GALNT18: variants seen among roughly 807,000 people sequenced by gnomAD.
The protein encoded by GALNT18 is polypeptide N-acetylgalactosaminyltransferase 18.
A neutral mutation model predicts 69.5 loss-of-function variants in GALNT18; 44 were observed. The observed-to-expected ratio is 0.63, with a 90% confidence interval of 0.50 to 0.81. The LOEUF (loss-of-function observed/expected upper bound fraction) is 0.81. Among genes scored for constraint, GALNT18 ranks in the 40% least tolerant of loss-of-function variants. The pLI, the probability that GALNT18 is intolerant of heterozygous loss-of-function variation, is 0.00. For missense variants in GALNT18, 715 were observed against 810.0 expected (o/e 0.88, Z 1.42); for synonymous variants, 364 against 318.2 (o/e 1.14, Z -1.53).
At chr11:11,275,783 A>G (rs1848931140) in intron 10 of GALNT18, among the ~76,000 whole-genome samples, 1 of 152,196 alleles carries the variant, frequency 6.6e-6, no homozygotes, top group African/African-American at 2.4e-5. Flanking sequence ...CATTTATTAA[A>G]TAGGGAATCC....
chr11:11,401,310 C>A (rs1854462749), intron 3 of GALNT18, among the ~76,000 whole-genome samples: 1 of 152,182 alleles, frequency 6.6e-6, no homozygotes, highest in African/African-American at 2.4e-5. Context: ...AACAAATCAA[C>A]ACACAAACTC....
rs535528461 is a variant in GALNT18 at position 11,485,779 on chromosome 11, C to A, written c.236-36843G>T. 7.9e-5 allele frequency among the ~76,000 whole-genome samples: 12 copies of A among 152,232 alleles called. No homozygotes were observed. In the East Asian group the frequency reaches 2.3e-3, roughly 29 times the overall value. On this transcript the variant is annotated intron_variant, in intron 1 of 10. Transcript: ENST00000227756. ...TGCTTCTGACAAAGAGAAGGGAGGA[C>A]CACAAGTGGCAGGCCAGCAAGCTGA...
intron 9 of GALNT18, among the ~76,000 whole-genome samples, chr11:11,303,483 A>C (rs940305332): frequency 6.6e-6 from 1 of 152,010 alleles, no homozygotes; most frequent in Non-Finnish European, 1.5e-5. Flanking sequence ...GAGAAACCTG[A>C]CTCAAGACAA....
chr11:11,606,549 G>C lies in GALNT18; in HGVS notation c.235+14810C>G, dbSNP rs1009486857. On this transcript the variant is annotated intron_variant, in intron 1 of 10. Transcript: ENST00000227756. This position sits in a 1 kb window ranked among gnomAD's most constrained non-coding sequence, Gnocchi z 5.4. ...TCACTCTGGTTTGAGGGGCTGAGAA[G>C]AAGCTCTGTTCCCAGATACGGAGGC... is the stretch of plus-strand genomic sequence containing the variant. 1.3e-5 allele frequency among the ~76,000 whole-genome samples: 2 copies of C among 152,146 alleles called. No individual in the cohort carries two copies. Among genetic ancestry groups the C allele is most frequent in the African/African-American group, 4.8e-5 (2 of 41,428 alleles).
In GALNT18 at chr11:11,436,204, C is replaced by CATGA. The variant is rs1855398910; in HGVS notation, c.429-3421_429-3418dup. Among the ~76,000 whole-genome samples the CATGA allele has an allele frequency of 6.6e-6, 1 of 152,216 alleles. No individual in the cohort carries two copies. The highest frequency in any genetic ancestry group is 2.4e-5 in the African/African-American group (1 of 41,456). On this transcript the variant is annotated intron_variant, in intron 2 of 10. Transcript: ENST00000227756. This position sits in a 1 kb window ranked among gnomAD's most constrained non-coding sequence, Gnocchi z 4.5. ...GTTCTGCCCCACCTTGCTGTGTGAC[C>CATGA]ATGAATGAGCCACCTTCCCTCTCTG...
At chr11:11,378,712 C>A (rs963369809) in intron 4 of GALNT18, among the ~76,000 whole-genome samples, 1 of 152,232 alleles carries the variant, frequency 6.6e-6, no homozygotes, top group Non-Finnish European at 1.5e-5. Flanking sequence ...TTCTGCCTCA[C>A]GTCTGGCCCA....
chr11:11,511,340 A>C lies in GALNT18; in HGVS notation c.236-62404T>G, dbSNP rs1166051041. On this transcript the variant is annotated intron_variant, in intron 1 of 10. Coordinates refer to ENST00000227756, the MANE Select transcript of GALNT18 (RefSeq NM_198516.3). This position sits in a 1 kb window ranked among gnomAD's most constrained non-coding sequence, Gnocchi z 4.9. Reference sequence around the variant, plus strand: ...ACCAGGCCCTGGTCTCAGACCTTACACACTGGTCTGCAAAGAGCTACAGCT... The same window carrying C: ...ACCAGGCCCTGGTCTCAGACCTTACCCACTGGTCTGCAAAGAGCTACAGCT... Among the ~76,000 whole-genome samples the C allele has an allele frequency of 3.9e-5, 6 of 152,186 alleles. No homozygotes were observed. Among genetic ancestry groups the C allele is most frequent in the South Asian group, 4.2e-4 (2 of 4,812 alleles).
intron 9 of GALNT18, among the ~76,000 whole-genome samples, chr11:11,325,809 T>C (rs1220882475): frequency 6.6e-6 from 1 of 152,144 alleles, no homozygotes; most frequent in African/African-American, 2.4e-5. Context: ...GAGCACAACC[T>C]GATTTGCTGG....
rs1249761537 is a variant in GALNT18, at chr11:11,413,436, T to C, written c.595+19185A>G. Among the ~76,000 whole-genome samples the C allele has an allele frequency of 6.6e-6, 1 of 152,230 alleles. No homozygotes were observed. Among genetic ancestry groups the C allele is most frequent in the Non-Finnish European group, 1.5e-5 (1 of 68,030 alleles). On this transcript the variant is annotated intron_variant, in intron 3 of 10. Coordinates refer to ENST00000227756, the MANE Select transcript of GALNT18 (RefSeq NM_198516.3). This position sits in a 1 kb window ranked among gnomAD's most constrained non-coding sequence, Gnocchi z 4.7. ...GAGGTGATTTTAATCAGGGATTTGA[T>C]CATCCTACGGACGATTCCTTATTCA...
rs1051370531 is a variant in GALNT18, at chr11:11,356,051, T to C, written c.1093-15047A>G. 2.6e-5 allele frequency among the ~76,000 whole-genome samples: 4 copies of C among 152,188 alleles called. No homozygotes were observed. The highest frequency in any genetic ancestry group is 9.7e-5 in the African/African-American group (4 of 41,436). ...TAGAAAAACTTGTGTGTAAGGGTAA[T>C]TTCTGGATACCAGCACCTACAGCAC... On this transcript the variant is annotated intron_variant, in intron 6 of 10. Coordinates refer to ENST00000227756, the MANE Select transcript of GALNT18 (RefSeq NM_198516.3). This position sits in a 1 kb window ranked among gnomAD's most constrained non-coding sequence, Gnocchi z 4.4.
intron 1 of GALNT18, among the ~76,000 whole-genome samples, chr11:11,610,963 A>G (rs1167161313): frequency 6.6e-6 from 1 of 152,230 alleles, no homozygotes; most frequent in South Asian, 2.1e-4. Context: ...AAGCATTATA[A>G]CTGCAATAGA....
chr11:11,531,602 A>AG (rs1857650143), intron 1 of GALNT18, among the ~76,000 whole-genome samples: 1 of 152,096 alleles, frequency 6.6e-6, no homozygotes. Context: ...TGGTCAGGGT[A>AG]TTTCTTCCCC....
chr11:11,275,397 C>A (rs1258523187), intron 10 of GALNT18, among the ~76,000 whole-genome samples: 4 of 151,986 alleles, frequency 2.6e-5, no homozygotes, highest in African/African-American at 9.7e-5. Context: ...TTGTTTGTTT[C>A]TTGTAAATTT....
At chr11:11,533,282 C>A (rs866655068) in intron 1 of GALNT18, among the ~76,000 whole-genome samples, 9 of 152,274 alleles carry the variant, frequency 5.9e-5, no homozygotes, top group Middle Eastern at 3.4e-3. Context: ...TCATCACCTG[C>A]AGGCTACAGA....
chr11:11,366,655 T>C (rs1157215878), intron 6 of GALNT18, among the ~76,000 whole-genome samples: 2 of 152,062 alleles, frequency 1.3e-5, no homozygotes, highest in African/African-American at 4.8e-5. Flanking sequence ...AAAATATAGA[T>C]GAAAGGTACT....
rs1281025376 is a variant in GALNT18, at chr11:11,587,482, TC to T, written c.235+33876del. ...AGGTTGCTAATGAGCAGTGAGCATATCCAAAGCCTCGATCTAGGAGGAAGCA... is the reference window on the plus strand; with the variant it reads ...AGGTTGCTAATGAGCAGTGAGCATATCAAAGCCTCGATCTAGGAGGAAGCA... On this transcript the variant is annotated intron_variant, in intron 1 of 10. Transcript: ENST00000227756. The surrounding 1 kb of genome is among the most constrained non-coding windows in gnomAD (Gnocchi z 4.4). Among the ~76,000 whole-genome samples, 1 of 152,166 alleles carries T rather than the reference TC, an allele frequency of 6.6e-6. No homozygotes were observed. Among genetic ancestry groups the T allele is most frequent in the Non-Finnish European group, 1.5e-5 (1 of 68,030 alleles).
intron 2 of GALNT18, among the ~76,000 whole-genome samples, chr11:11,448,495 TA>T (rs1855711118): frequency 6.6e-6 from 1 of 152,116 alleles, no homozygotes. Context: ...CCTTAACGAG[TA>T]AATTAAGTTG....
chr11:11,349,418 T>G (rs189928452), intron 6 of GALNT18, among the ~76,000 whole-genome samples: 1 of 152,342 alleles, frequency 6.6e-6, no homozygotes, highest in Admixed American at 6.5e-5. Context: ...CCAGCATGGA[T>G]GAGGCTCATA....
At position 11,614,885 on chromosome 11, in the gene GALNT18, G is replaced by A. The variant is rs1860009184; in HGVS notation, c.235+6474C>T. 6.6e-6 allele frequency among the ~76,000 whole-genome samples: 1 copy of A among 152,196 alleles called. No homozygotes were observed. Among genetic ancestry groups the A allele is most frequent in the East Asian group, 1.9e-4 (1 of 5,192 alleles). On this transcript the variant is annotated intron_variant, in intron 1 of 10. Transcript: ENST00000227756. This position sits in a 1 kb window ranked among gnomAD's most constrained non-coding sequence, Gnocchi z 5.6. ...GAATGTGGAATTCATTTATTTTACA[G>A]CCTACACACTTCTGGCTAAAAATGA...
Sources: allele counts gnomAD v4.1 joint callset (sites outside exome capture counted in the v4.1 genomes callset), GRCh38; gene constraint gnomAD v4.1.1; non-coding constraint Gnocchi (gnomAD v3.1); transcripts MANE v1.5; gene names NCBI Gene and HGNC (gene_info 2026-07-23, HGNC 2026-07-21).